Variants in MAP3K3 observed in about 807,000 individuals in gnomAD.
MAP3K3 encodes MAP/ERK kinase kinase 3.
MAP3K3 carries 12 observed loss-of-function variants against 80.9 expected under a neutral mutation model. That is an observed-to-expected ratio of 0.15 (90% CI 0.10 to 0.24). The LOEUF is 0.24. Among genes scored for constraint, MAP3K3 ranks in the 10% least tolerant of loss-of-function variants. MAP3K3 has a pLI of 1.00. For synonymous variants in MAP3K3, 272 were observed against 307.1 expected (o/e 0.89, Z 1.19); for missense variants, 596 against 834.7 (o/e 0.71, Z 3.52).
intron 6 of MAP3K3, among the ~76,000 whole-genome samples, chr17:63,677,898 G>C (rs915110094): frequency 1.3e-5 from 2 of 152,164 alleles, no homozygotes; most frequent in African/African-American, 4.8e-5. Context: ...CCCCACGTTA[G>C]CCTCCCTCCC....
intron 8 of MAP3K3, among the ~76,000 whole-genome samples, chr17:63,686,643 C>A (rs914015546): frequency 6.6e-6 from 1 of 152,160 alleles, no homozygotes; most frequent in African/African-American, 2.4e-5. Context: ...AGTTTCAAAC[C>A]TGTGGCCCCC....
At chr17:63,634,940 G>A in intron 2 of MAP3K3, 1 of 728,226 alleles carries the variant, frequency 1.4e-6, no homozygotes, top group Non-Finnish European at 2.4e-6. Context: ...CCTGTGTTCA[G>A]TGCTTCTAGT....
chr17:63,663,886 CA>C (rs2034945705), intron 5 of MAP3K3, among the ~76,000 whole-genome samples: 1 of 151,730 alleles, frequency 6.6e-6, no homozygotes, highest in Admixed American at 6.6e-5. Flanking sequence ...GTCTCAAAAA[CA>C]AAAAAGATGA....
rs1189077847 is a variant in MAP3K3, at chr17:63,689,880, G to C, written c.1063+145G>C. 3 of 715,594 alleles carry C rather than the reference G, an allele frequency of 4.2e-6. No individual in the cohort carries two copies. Among genetic ancestry groups the C allele is most frequent in the Non-Finnish European group, 6.8e-6 (3 of 443,668 alleles). 44.3% of individuals were successfully genotyped at this position (715,594 alleles called of 1,614,324 possible). ...CACCACATGGGATAAGCCTTGGAGT[G>C]TCTGAAGCCTGGCTCCACTATTGTG... On this transcript the variant is annotated intron_variant, in intron 11 of 15. Coordinates refer to ENST00000361733, the MANE Select transcript of MAP3K3 (RefSeq NM_002401.5). The surrounding 1 kb of genome is among the most constrained non-coding windows in gnomAD (Gnocchi z 4.3).
chr17:63,634,638 A>T, intron 2 of MAP3K3: 3 of 1,230,852 alleles, frequency 2.4e-6, no homozygotes, highest in Non-Finnish European at 3.5e-6. Flanking sequence ...TCCATGATTT[A>T]CTTCAATGTT....
chr17:63,672,120 G>A (rs995997696), intron 6 of MAP3K3, among the ~76,000 whole-genome samples: 1 of 151,868 alleles, frequency 6.6e-6, no homozygotes, highest in Non-Finnish European at 1.5e-5. Flanking sequence ...CCGTCTCTAT[G>A]AAAAATACAA....
intron 3 of MAP3K3, among the ~76,000 whole-genome samples, chr17:63,649,129 C>A (rs1047255350): frequency 6.6e-6 from 1 of 151,934 alleles, no homozygotes; most frequent in Non-Finnish European, 1.5e-5. Context: ...ACAGAGGAAC[C>A]TTTTTCTTTT....
chr17:63,657,588 A>G (rs1027512305), intron 4 of MAP3K3, among the ~76,000 whole-genome samples: 4 of 152,180 alleles, frequency 2.6e-5, no homozygotes, highest in Non-Finnish European at 5.9e-5. Flanking sequence ...ACAACTATGT[A>G]AAGGTACTAC....
At chr17:63,690,975 C>T in intron 12 of MAP3K3, 127 bp from the exon 13 acceptor site, 2 of 1,121,152 alleles carry the variant, frequency 1.8e-6, no homozygotes, top group South Asian at 2.9e-5. Context: ...AGAGAGTCCC[C>T]CTTTTCTCCA....
At chr17:63,652,970 A>G (rs1248982144) in intron 4 of MAP3K3, among the ~76,000 whole-genome samples, 4 of 151,892 alleles carry the variant, frequency 2.6e-5, no homozygotes, top group South Asian at 2.1e-4. Context: ...GGAGTATCTT[A>G]TTTTTTTCCC....
intron 1 of MAP3K3, 49 bp downstream of exon 1, chr17:63,622,812 C>G: frequency 2.2e-6 from 1 of 459,826 alleles, no homozygotes. Context: ...TTCGCGACGC[C>G]CCGCCCCAGG....
At chr17:63,651,228 A>C (rs2034649143) in intron 3 of MAP3K3, among the ~76,000 whole-genome samples, 1 of 152,140 alleles carries the variant, frequency 6.6e-6, no homozygotes, top group Admixed American at 6.6e-5. Context: ...TTACACCTAT[A>C]ATACCAGCAC....
intron 2 of MAP3K3, among the ~76,000 whole-genome samples, chr17:63,639,158 T>C (rs1049943420): frequency 4.6e-5 from 7 of 152,090 alleles, no homozygotes; most frequent in African/African-American, 1.7e-4. Flanking sequence ...AGAGAGTAAG[T>C]GCTATAGAAG....
At chr17:63,649,894 G>T (rs1488308185) in intron 3 of MAP3K3, among the ~76,000 whole-genome samples, 3 of 152,204 alleles carry the variant, frequency 2.0e-5, no homozygotes, top group African/African-American at 4.8e-5. Flanking sequence ...AAACCCAATG[G>T]TTTAGATCCC....
chr17:63,685,044 C>A (rs2035418629), intron 7 of MAP3K3, among the ~76,000 whole-genome samples: 1 of 152,172 alleles, frequency 6.6e-6, no homozygotes, highest in Non-Finnish European at 1.5e-5. Context: ...TGTGCACTAA[C>A]TAGTTTTATG....
At chr17:63,632,495 G>GA (rs1378634571) in intron 1 of MAP3K3, among the ~76,000 whole-genome samples, 186 bp from the exon 2 acceptor site, 2 of 151,766 alleles carry the variant, frequency 1.3e-5, no homozygotes, top group East Asian at 1.9e-4. Context: ...TTGTCTCGAA[G>GA]AAAAAAAAGA....
intron 5 of MAP3K3, among the ~76,000 whole-genome samples, chr17:63,666,112 T>C (rs566559392): frequency 1.2e-4 from 19 of 152,218 alleles, no homozygotes; most frequent in African/African-American, 4.3e-4. Flanking sequence ...TGTTGCTTAG[T>C]TTTCTCTGGC....
chr17:63,650,964 T>G (rs2034643574), intron 3 of MAP3K3, among the ~76,000 whole-genome samples: 1 of 152,192 alleles, frequency 6.6e-6, no homozygotes, highest in African/African-American at 2.4e-5. Flanking sequence ...CCCAAAGTGC[T>G]TGGCCCCCAA....
In MAP3K3 at chr17:63,691,745, G is replaced by A. The variant is rs1209246033; in HGVS notation, c.1357G>A (p.Asp453Asn). The A allele has an allele frequency of 6.2e-7, 1 of 1,613,870 alleles. No individual in the cohort carries two copies. Among genetic ancestry groups the A allele is most frequent in the Non-Finnish European group, 8.5e-7 (1 of 1,179,832 alleles). ...TTGTGGCCTCCAGGGCTCGGTGAAA[G>A]ACCAGTTGAAGGCTTACGGTGCTCT... ...MEYMPGGSVK[D>N]QLKAYGALTE... The change falls in exon 14 of 16, where the codon GAC becomes AAC. Residue 453 changes from aspartate to asparagine, a missense_variant. Transcript: ENST00000361733. This position sits in a 1 kb window ranked among gnomAD's most constrained non-coding sequence, Gnocchi z 4.8.
Sources: gnomAD v4.1 joint callset for allele counts (sites outside exome capture counted in the v4.1 genomes callset) on GRCh38, gnomAD v4.1.1 for gene constraint, Gnocchi (gnomAD v3.1) non-coding constraint, MANE v1.5 for transcripts, NCBI Gene and HGNC (gene_info 2026-07-23, HGNC 2026-07-21) for gene names.